Variants in PDE4D observed in about 807,000 individuals in gnomAD.
PDE4D encodes the protein 3',5'-cyclic-AMP phosphodiesterase 4D.
PDE4D carries 24 observed loss-of-function variants against 87.4 expected under a neutral mutation model. The ratio of observed to expected loss-of-function variants is 0.27; its 90% CI spans 0.20 to 0.39. PDE4D has a LOEUF of 0.39. Among genes scored for constraint, PDE4D ranks in the 10% least tolerant of loss-of-function variants. PDE4D has a pLI of 1.00. For synonymous variants in PDE4D, 384 were observed against 383.2 expected (o/e 1.00, Z -0.02); for missense variants, 714 against 1,041.0 (o/e 0.69, Z 4.32).
chr5:58,985,772 A>G (rs1746280487), intron 11 of PDE4D, among the ~76,000 whole-genome samples: 1 of 152,252 alleles, frequency 6.6e-6, no homozygotes, highest in Non-Finnish European at 1.5e-5. Context: ...CAAATTTTAA[A>G]AAAGGTTTAC....
chr5:60,238,189 G>A (rs571470814), intron 1 of PDE4D, among the ~76,000 whole-genome samples: 1 of 151,810 alleles, frequency 6.6e-6, no homozygotes, highest in East Asian at 1.9e-4. Context: ...CTATTATGTT[G>A]TTTATTAAAT....
At chr5:60,349,991 G>T (rs1759047032) in intron 1 of PDE4D, among the ~76,000 whole-genome samples, 1 of 152,116 alleles carries the variant, frequency 6.6e-6, no homozygotes, top group African/African-American at 2.4e-5. Flanking sequence ...TACAGGCCTA[G>T]GTTTTGAACC....
At chr5:60,148,211 T>C (rs1781186779) in intron 2 of PDE4D, among the ~76,000 whole-genome samples, 1 of 152,122 alleles carries the variant, frequency 6.6e-6, no homozygotes, top group Admixed American at 6.6e-5. Flanking sequence ...ATAGGTTCCT[T>C]TTAAGTCTCT....
intron 1 of PDE4D, among the ~76,000 whole-genome samples, chr5:59,260,476 T>C (rs998920569): frequency 2.6e-5 from 4 of 151,864 alleles, no homozygotes; most frequent in African/African-American, 9.7e-5. Context: ...TTTTATACAC[T>C]TAACACACAA....
intron 1 of PDE4D, among the ~76,000 whole-genome samples, chr5:60,447,351 C>T (rs982657165): frequency 6.6e-6 from 1 of 152,098 alleles, no homozygotes; most frequent in African/African-American, 2.4e-5. Flanking sequence ...GGATTACAGC[C>T]TATAGTAGTT....
chr5:59,587,505 G>A (rs1210080737), intron 1 of PDE4D: 1 of 985,364 alleles, frequency 1.0e-6, no homozygotes, highest in Non-Finnish European at 1.2e-6. Flanking sequence ...GTCCCCCAGC[G>A]CCGAATTTCC....
chr5:59,026,159 G>A (rs1413738752), intron 6 of PDE4D, among the ~76,000 whole-genome samples: 1 of 152,204 alleles, frequency 6.6e-6, no homozygotes, highest in Non-Finnish European at 1.5e-5. Flanking sequence ...AGATGAGAAA[G>A]AGCAGTTTAT....
chr5:60,064,138 T>G (rs1771790327), intron 2 of PDE4D, among the ~76,000 whole-genome samples: 1 of 152,132 alleles, frequency 6.6e-6, no homozygotes, highest in Non-Finnish European at 1.5e-5. Flanking sequence ...CATATAATTT[T>G]CATAATCAGA....
intron 3 of PDE4D, among the ~76,000 whole-genome samples, chr5:59,190,468 C>G (rs944940953): frequency 6.6e-6 from 1 of 152,064 alleles, no homozygotes; most frequent in African/African-American, 2.4e-5. Context: ...GAGGGTAATT[C>G]TTTGGCCTAC....
intron 3 of PDE4D, among the ~76,000 whole-genome samples, chr5:59,927,311 A>C (rs1234602987): frequency 1.3e-5 from 2 of 152,092 alleles, no homozygotes; most frequent in Non-Finnish European, 2.9e-5. Flanking sequence ...GGCCTCCTTT[A>C]ATTTTCCTCC....
chr5:59,576,044 G>C (rs294500), intron 1 of PDE4D, among the ~76,000 whole-genome samples: 135,856 of 152,164 alleles, frequency 0.89, 60,666 homozygotes, highest in South Asian at 0.93. Context: ...TAGGTTGGAA[G>C]TGGCCTGCCA....
In PDE4D at chr5:60,295,943, G is replaced by A. The variant is rs546857128; in HGVS notation, c.-89-110256C>T. Among the ~76,000 whole-genome samples, 55 of 152,302 alleles carry A rather than the reference G, an allele frequency of 3.6e-4. 1 individual carries two copies. The highest frequency in any genetic ancestry group is 1.3e-3 in the African/African-American group (52 of 41,566). On this transcript the variant is annotated intron_variant, in intron 1 of 16. Coordinates refer to the PDE4D transcript ENST00000502484. ...ACATTCTGTAGACTGGGAAGTCCAA[G>A]ATCAAGGAACCAGAGAATTTGATGT...
At chr5:59,703,662 G>C (rs1344030704) in intron 1 of PDE4D, 1 of 528,758 alleles carries the variant, frequency 1.9e-6, no homozygotes, top group South Asian at 1.4e-5. Flanking sequence ...CAATTAGTTA[G>C]ATTAGTAACT....
chr5:59,927,646 G>A (rs367647889), intron 3 of PDE4D, among the ~76,000 whole-genome samples: 6 of 152,160 alleles, frequency 3.9e-5, no homozygotes, highest in African/African-American at 1.4e-4. Context: ...TTCAGTGCAG[G>A]TGCTAATTAG....
intron 1 of PDE4D, among the ~76,000 whole-genome samples, chr5:59,634,390 T>C (rs1029737504): frequency 9.2e-5 from 14 of 152,186 alleles, no homozygotes; most frequent in Non-Finnish European, 1.2e-4. Flanking sequence ...GTGGACCTAA[T>C]AGACATCTAC....
intron 1 of PDE4D, among the ~76,000 whole-genome samples, chr5:59,808,182 G>GCA (rs1767955476): frequency 6.6e-6 from 1 of 152,188 alleles, no homozygotes; most frequent in Non-Finnish European, 1.5e-5. Context: ...GAGCCCCCAT[G>GCA]GGCTTGTGGC....
rs183922115 is a variant in PDE4D, at chr5:60,260,781, A to G, written c.-89-75094T>C. ...TCTCTGAAAACCCTCTAATTTCACA[A>G]TGAGTTCCTAAGGGACCATGTGTCT... On this transcript the variant is annotated intron_variant, in intron 1 of 16. Coordinates refer to the PDE4D transcript ENST00000502484. Among the ~76,000 whole-genome samples, 84 of 152,252 alleles carry G rather than the reference A, an allele frequency of 5.5e-4. 2 individuals carry two copies. The highest frequency in any genetic ancestry group is 4.8e-3 in the Admixed American group (73 of 15,276).
At chr5:58,983,183 A>G (rs943472076) in intron 11 of PDE4D, among the ~76,000 whole-genome samples, 2 of 152,242 alleles carry the variant, frequency 1.3e-5, no homozygotes, top group Non-Finnish European at 2.9e-5. Flanking sequence ...GTAGTGCTGC[A>G]GCTGTATACT....
chr5:59,467,124 A>G (rs924598434), intron 1 of PDE4D, among the ~76,000 whole-genome samples: 1 of 152,200 alleles, frequency 6.6e-6, no homozygotes, highest in Admixed American at 6.5e-5. Context: ...GAGAGGCCTC[A>G]GAAGAAACCA....
Sources: allele counts gnomAD v4.1 joint callset (sites outside exome capture counted in the v4.1 genomes callset), GRCh38; gene constraint gnomAD v4.1.1; transcripts MANE v1.5; gene names NCBI Gene and HGNC (gene_info 2026-07-23, HGNC 2026-07-21).